The following FALEC variants were observed in gnomAD, a reference collection of about 807,000 sequenced individuals.
FALEC encodes the protein focally amplified lncRNA regulator of ECM1.
chr1:150,531,078 C>T, the FALEC span, among the ~76,000 whole-genome samples: 2 of 152,176 alleles, frequency 1.3e-5, no homozygotes, highest in Non-Finnish European at 1.5e-5. Context: ...ATGAAATACT[C>T]AATGATTCCA....
the FALEC span, among the ~76,000 whole-genome samples, chr1:150,525,218 C>A: frequency 1.3e-5 from 2 of 151,994 alleles, no homozygotes; most frequent in African/African-American, 4.8e-5. Flanking sequence ...ACCCAGTAGG[C>A]GGAGCTTGCA....
chr1:150,535,099 G>A, the FALEC span, among the ~76,000 whole-genome samples: 1 of 152,160 alleles, frequency 6.6e-6, no homozygotes, highest in Non-Finnish European at 1.5e-5. Flanking sequence ...GTAAACCAAA[G>A]TGCTGCTCTC....
downstream of FALEC, among the ~76,000 whole-genome samples, chr1:150,521,378 G>A (rs1570892256): frequency 6.6e-6 from 1 of 152,258 alleles, no homozygotes; most frequent in Middle Eastern, 3.4e-3. Flanking sequence ...TCCAATTCTT[G>A]AGGTTGTCAA....
downstream of FALEC, among the ~76,000 whole-genome samples, chr1:150,522,904 CATATATATACAT>C (rs1294866327): frequency 2.8e-5 from 2 of 72,108 alleles, no homozygotes; most frequent in Admixed American, 1.6e-4. Context: ...TATATATATA[CATATATATACAT>C]ATATATATAC....
chr1:150,529,016 C>CAAAAAAAAAAAATAAA, the FALEC span, among the ~76,000 whole-genome samples: 1 of 59,292 alleles, frequency 1.7e-5, no homozygotes, highest in Non-Finnish European at 3.0e-5. Flanking sequence ...AAATAAATAG[C>CAAAAAAAAAAAATAAA]AAAAAAAAAA....
chr1:150,522,983 AT>A (rs1174052488), downstream of FALEC, among the ~76,000 whole-genome samples: 14 of 15,920 alleles, frequency 8.8e-4, no homozygotes, highest in African/African-American at 1.5e-3. Context: ...ATATATATAT[AT>A]TTTTTTTTTT....
At chr1:150,533,430 C>CTTTTTTTT in the FALEC span, among the ~76,000 whole-genome samples, 12 of 97,676 alleles carry the variant, frequency 1.2e-4, 1 homozygote, top group East Asian at 7.4e-4. Flanking sequence ...AGAACCAGAG[C>CTTTTTTTT]TTTTTTTTTT....
downstream of FALEC, among the ~76,000 whole-genome samples, chr1:150,520,783 CT>C (rs71086518): frequency 0.047 from 1,990 of 42,780 alleles, 2 homozygotes; most frequent in Non-Finnish European, 0.066. Context: ...CTTTTCTTTT[CT>C]TTTTTTTTTT....
chr1:150,525,306 A>G, the FALEC span, among the ~76,000 whole-genome samples: 1 of 151,822 alleles, frequency 6.6e-6, no homozygotes, highest in South Asian at 2.1e-4. Flanking sequence ...AAACAAAAAA[A>G]CCCAAAACAT....
downstream of FALEC, among the ~76,000 whole-genome samples, chr1:150,518,977 AC>A (rs1297110932): frequency 6.6e-6 from 1 of 151,994 alleles, no homozygotes; most frequent in East Asian, 1.9e-4. Context: ...AATCACTTGA[AC>A]CCAGGAGGCA....
downstream of FALEC, among the ~76,000 whole-genome samples, chr1:150,522,849 CTCTA>C (rs1219401861): frequency 7.9e-4 from 71 of 90,166 alleles, 9 homozygotes; most frequent in Middle Eastern, 0.024. Flanking sequence ...CTCTCTCTCT[CTCTA>C]TATATATATA....
At chr1:150,527,829 G>A in the FALEC span, among the ~76,000 whole-genome samples, 3 of 152,080 alleles carry the variant, frequency 2.0e-5, no homozygotes, top group South Asian at 2.1e-4. Flanking sequence ...CAACCTGGGC[G>A]ACGTAGCAAG....
the FALEC span, among the ~76,000 whole-genome samples, chr1:150,526,548 C>T: frequency 2.5e-4 from 15 of 61,010 alleles, no homozygotes; most frequent in East Asian, 3.8e-3. Context: ...TTTGATTCTC[C>T]TGCCTCAGCC....
the FALEC span, among the ~76,000 whole-genome samples, chr1:150,536,390 G>A: frequency 6.6e-6 from 1 of 152,182 alleles, no homozygotes; most frequent in Non-Finnish European, 1.5e-5. Context: ...CACCTGTGAG[G>A]ACCTGGAATC....
the FALEC span, among the ~76,000 whole-genome samples, chr1:150,529,032 A>AAAAAAAAAAAAAAAAAAAAAAAC: frequency 1.3e-5 from 2 of 151,106 alleles, no homozygotes; most frequent in African/African-American, 2.4e-5. Flanking sequence ...AAAAAAAAAA[A>AAAAAAAAAAAAAAAAAAAAAAAC]AAAAAAATCA....
chr1:150,520,345 C>T (rs1382814551), downstream of FALEC, among the ~76,000 whole-genome samples: 1 of 152,164 alleles, frequency 6.6e-6, no homozygotes, highest in Non-Finnish European at 1.5e-5. Flanking sequence ...CCCTTTAGCC[C>T]CTGATAACTC....
chr1:150,535,631 G>A, the FALEC span, among the ~76,000 whole-genome samples: 20 of 152,278 alleles, frequency 1.3e-4, no homozygotes, highest in Non-Finnish European at 2.4e-4. Context: ...GTTCAGTTAC[G>A]GGCTTTATGT....
chr1:150,522,928 T>TACATATATATACATATATATATAC (rs1560270766), downstream of FALEC, among the ~76,000 whole-genome samples: 11 of 14,250 alleles, frequency 7.7e-4, no homozygotes, highest in East Asian at 0.02. Context: ...TATATATACA[T>TACATATATATACATATATATATAC]ATATATGTGT....
At chr1:150,533,707 G>A in the FALEC span, among the ~76,000 whole-genome samples, 36 of 152,192 alleles carry the variant, frequency 2.4e-4, no homozygotes, top group East Asian at 5.2e-3. Context: ...AAAGTGTTGG[G>A]ATTACAGGCA....
Sources: gnomAD v4.1 joint callset for allele counts (sites outside exome capture counted in the v4.1 genomes callset) on GRCh38, gnomAD v4.1.1 for gene constraint, MANE v1.5 for transcripts, NCBI Gene and HGNC (gene_info 2026-07-23, HGNC 2026-07-21) for gene names.